IPO7: variants seen among roughly 807,000 people sequenced by gnomAD.
IPO7 encodes the protein importin-7.
Under a neutral mutation model 136.4 loss-of-function variants are expected in IPO7, and 13 were observed. The observed-to-expected ratio is 0.10, with a 90% CI of 0.06 to 0.15. The LOEUF (loss-of-function observed/expected upper bound fraction) is 0.15, where lower values mean the gene tolerates loss of function less well. Among genes scored for constraint, IPO7 ranks in the 10% least tolerant of loss-of-function variants. The pLI, the probability that IPO7 is intolerant of heterozygous loss-of-function variation, is 1.00. For synonymous variants in IPO7, 403 were observed against 404.4 expected (o/e 1.00, Z 0.04); for missense variants, 857 against 1,240.6 (o/e 0.69, Z 4.65).
intron 1 of IPO7, among the ~76,000 whole-genome samples, chr11:9,402,314 C>T (rs1007925880): frequency 1.4e-5 from 2 of 141,338 alleles, no homozygotes; most frequent in African/African-American, 5.2e-5. Flanking sequence ...GCAGAAGAAT[C>T]GCTTGAACCC....
intron 6 of IPO7, among the ~76,000 whole-genome samples, chr11:9,419,561 T>TATATATATTTTTTTTTTTTTTAG (rs1855097388): frequency 1.1e-5 from 1 of 92,276 alleles, no homozygotes; most frequent in Non-Finnish European, 2.2e-5. Context: ...AAAAAAAAAA[T>TATATATATTTTTTTTTTTTTTAG]ATATATATAT....
At position 9,447,039 on chromosome 11, in the gene IPO7, A is replaced by T. The variant is rs1855539478; in HGVS notation, c.*1845A>T. 6.6e-6 allele frequency: 1 copy of T among 152,242 alleles called. No homozygotes were observed. The highest frequency in any genetic ancestry group is 1.5e-5 in the Non-Finnish European group (1 of 68,040). The allele number at this position is 152,242 out of a possible 1,614,324, so 9.4% of individuals were successfully genotyped here. On this transcript the variant is annotated 3_prime_UTR_variant, in exon 25 of 25. Coordinates refer to ENST00000379719, the MANE Select transcript of IPO7 (RefSeq NM_006391.3). ...TATATAAAGTCAATAAAAATGAAGT[A>T]GTTGTATATATGCAACATTGTGTAC... is the stretch of plus-strand genomic sequence containing the variant.
At chr11:9,414,904 A>G (rs1855019817) in intron 5 of IPO7, among the ~76,000 whole-genome samples, 2 of 151,668 alleles carry the variant, frequency 1.3e-5, no homozygotes, top group Admixed American at 6.6e-5. Context: ...GATTACAGGT[A>G]CGAGCCACCG....
At chr11:9,399,302 A>G (rs2133726395) in intron 1 of IPO7, among the ~76,000 whole-genome samples, 1 of 151,918 alleles carries the variant, frequency 6.6e-6, no homozygotes, top group East Asian at 1.9e-4. Flanking sequence ...AGCTGGGATT[A>G]CAGGCATGCA....
At chr11:9,396,625 C>G (rs1854713119) in intron 1 of IPO7, among the ~76,000 whole-genome samples, 1 of 152,116 alleles carries the variant, frequency 6.6e-6, no homozygotes, top group Non-Finnish European at 1.5e-5. Flanking sequence ...TATTTTCTGT[C>G]TATGTAGATT....
At chr11:9,402,262 T>C (rs1402028602) in intron 1 of IPO7, among the ~76,000 whole-genome samples, 1 of 147,420 alleles carries the variant, frequency 6.8e-6, no homozygotes, top group African/African-American at 2.5e-5. Context: ...TAGCCGGGCA[T>C]GGTGGCACGT....
intron 1 of IPO7, among the ~76,000 whole-genome samples, chr11:9,389,765 CTT>C (rs779473412): frequency 9.0e-5 from 13 of 144,690 alleles, no homozygotes; most frequent in Admixed American, 2.1e-4. Flanking sequence ...GTATATACAC[CTT>C]TTTTTTTTTT....
chr11:9,428,282 C>G (rs892770996), intron 12 of IPO7, among the ~76,000 whole-genome samples: 1 of 152,206 alleles, frequency 6.6e-6, no homozygotes, highest in Admixed American at 6.5e-5. Flanking sequence ...ACCAAACTTA[C>G]ATCATTCGAA....
At position 9,437,785 on chromosome 11, in the gene IPO7, A is replaced by G. The variant is rs1461533324; in HGVS notation, c.2300A>G (p.Glu767Gly). The G allele has an allele frequency of 1.9e-5, 30 of 1,614,036 alleles. No individual in the cohort carries two copies. In the East Asian group the frequency reaches 6.5e-4, roughly 35 times the overall value. The change falls in exon 21 of 25, where the codon GAA (glutamate) becomes GGA (glycine). Residue 767 changes from glutamate to glycine, a missense_variant. Coordinates refer to ENST00000379719, the MANE Select transcript of IPO7 (RefSeq NM_006391.3). The stretch of plus-strand genomic sequence containing the variant: ...CCCTTATTCGTGGAAGCAGCCTTAG[A>G]AAGACTGACAAGAGAGGTTAAGACA... ...CIPLFVEAAL[E>G]RLTREVKTSE...
chr11:9,392,194 T>TTTTTCG, intron 1 of IPO7: 1 of 322,560 alleles, frequency 3.1e-6, no homozygotes, highest in Admixed American at 4.0e-5. Context: ...TTTTTTTTTT[T>TTTTTCG]GAGACGGAGT....
At chr11:9,413,692 G>A in intron 4 of IPO7, among the ~76,000 whole-genome samples, 1 of 151,624 alleles carries the variant, frequency 6.6e-6, no homozygotes, top group East Asian at 1.9e-4. Flanking sequence ...CATAATACAT[G>A]TTCAGAAAAT....
intron 23 of IPO7, 69 bp from the exon 24 acceptor site, chr11:9,442,012 T>C (rs1855465498): frequency 1.4e-6 from 1 of 708,882 alleles, no homozygotes; most frequent in Admixed American, 2.2e-5. Context: ...GTAGGAGGAA[T>C]AGTGTAGAAC....
rs146558526 is a variant in IPO7 at position 9,390,251 on chromosome 11, G to A, written c.84+5404G>A. ...TCTCACTTGCTTTATATGAAAAAGT[G>A]ATCTTGCTTTTGGTAAGTTTCTTGA... On this transcript the variant is annotated intron_variant, in intron 1 of 24. Transcript: ENST00000379719. Among the ~76,000 whole-genome samples, 10 of 151,554 alleles carry A rather than the reference G, an allele frequency of 6.6e-5. No homozygotes were observed. In the East Asian group the frequency reaches 1.9e-3, roughly 29 times the overall value.
intron 20 of IPO7, 128 bp from the exon 21 acceptor site, chr11:9,437,626 T>C (rs1468756916): frequency 1.5e-6 from 1 of 679,310 alleles, no homozygotes; most frequent in Non-Finnish European, 2.5e-6. Flanking sequence ...GTGCAGTGCC[T>C]CAGCAGTAAA....
chr11:9,400,275 C>A (rs1293754235), intron 1 of IPO7, among the ~76,000 whole-genome samples: 2 of 152,112 alleles, frequency 1.3e-5, no homozygotes, highest in Non-Finnish European at 2.9e-5. Flanking sequence ...GGGGCACCGA[C>A]TGTATTTTAT....
At chr11:9,420,772 T>G in intron 8 of IPO7, 74 bp downstream of exon 8, 1 of 1,026,028 alleles carries the variant, frequency 9.7e-7, no homozygotes, top group Non-Finnish European at 1.5e-6. Context: ...TTATTCCCAG[T>G]TTCTTTGACA....
intron 6 of IPO7, among the ~76,000 whole-genome samples, chr11:9,419,135 G>A (rs1322545203): frequency 4.6e-5 from 7 of 152,148 alleles, no homozygotes; most frequent in South Asian, 2.1e-4. Context: ...GGGTCATAAG[G>A]TAGGTGTATG....
rs554102198 is a variant in IPO7 at position 9,395,866 on chromosome 11, G to A, written c.85-7424G>A. On this transcript the variant is annotated intron_variant, in intron 1 of 24. Transcript: ENST00000379719. ...CAAGTAGCTGGGATTACAGGCAGCCGCCACCACGTCTGGCTAATTTTTGTA... is the reference window on the plus strand; with the variant it reads ...CAAGTAGCTGGGATTACAGGCAGCCACCACCACGTCTGGCTAATTTTTGTA... Among the ~76,000 whole-genome samples the A allele has an allele frequency of 3.1e-3, 474 of 151,640 alleles. 3 individuals carry two copies. The highest frequency in any genetic ancestry group is 5.2e-3 in the Non-Finnish European group (355 of 67,918).
intron 20 of IPO7, among the ~76,000 whole-genome samples, chr11:9,437,421 A>AT (rs1429854691): frequency 6.9e-6 from 1 of 144,752 alleles, no homozygotes; most frequent in Non-Finnish European, 1.5e-5. Flanking sequence ...CGCCTGGCTA[A>AT]TTTTTTGTAT....
Sources: gnomAD v4.1 joint callset for allele counts (sites outside exome capture counted in the v4.1 genomes callset) on GRCh38, gnomAD v4.1.1 for gene constraint, MANE v1.5 for transcripts, NCBI Gene and HGNC (gene_info 2026-07-23, HGNC 2026-07-21) for gene names.